The following MDGA2 variants were observed in gnomAD, a reference collection of about 807,000 sequenced individuals.
MDGA2 encodes MAM domain containing glycosylphosphatidylinositol anchor 2, also known as MAM domain-containing glycosylphosphatidylinositol anchor protein 2.
MDGA2 carries 40 observed loss-of-function variants against 117.8 expected under a neutral mutation model. The observed-to-expected ratio is 0.34, with a 90% CI of 0.26 to 0.44. MDGA2 has a LOEUF of 0.44. Among genes scored for constraint, MDGA2 ranks in the 20% least tolerant of loss-of-function variants. The pLI, the probability that MDGA2 is intolerant of heterozygous loss-of-function variation, is 1.00. For synonymous variants in MDGA2, 452 were observed against 439.0 expected, an observed-to-expected ratio of 1.03 and a Z score of -0.37; for missense variants, 1,123 against 1,250.6, an observed-to-expected ratio of 0.90 and a Z score of 1.54.
At chr14:47,394,440 A>T (rs1891963647) in intron 1 of MDGA2, among the ~76,000 whole-genome samples, 1 of 152,128 alleles carries the variant, frequency 6.6e-6, no homozygotes, top group South Asian at 2.1e-4. Flanking sequence ...ACTTAACCTC[A>T]ACTGTGATAG....
chr14:46,950,438 G>A (rs540778466), intron 9 of MDGA2, among the ~76,000 whole-genome samples: 1 of 152,092 alleles, frequency 6.6e-6, no homozygotes, highest in African/African-American at 2.4e-5. Flanking sequence ...GATATGTATG[G>A]AATCACTTCG....
intron 10 of MDGA2, among the ~76,000 whole-genome samples, chr14:46,904,995 G>A (rs1179228661): frequency 6.6e-6 from 1 of 152,190 alleles, no homozygotes; most frequent in Admixed American, 6.5e-5. Context: ...AAAGGATATG[G>A]AAGTCACATT....
chr14:47,261,175 C>T (rs570198564), intron 2 of MDGA2, among the ~76,000 whole-genome samples: 2 of 152,220 alleles, frequency 1.3e-5, no homozygotes, highest in Non-Finnish European at 2.9e-5. Context: ...TTATAACTAG[C>T]AGCACATTTT....
chr14:47,420,086 G>T (rs1235211346), intron 1 of MDGA2, among the ~76,000 whole-genome samples: 1 of 152,094 alleles, frequency 6.6e-6, no homozygotes, highest in Non-Finnish European at 1.5e-5. Context: ...GAAGGAATAT[G>T]CACAATACAT....
chr14:47,316,017 C>A (rs1047699697), intron 1 of MDGA2, among the ~76,000 whole-genome samples: 3 of 151,890 alleles, frequency 2.0e-5, no homozygotes, highest in Non-Finnish European at 4.4e-5. Flanking sequence ...CCCAATGTTG[C>A]TAATTTATTG....
chr14:47,532,762 AT>A (rs35549090), intron 1 of MDGA2, among the ~76,000 whole-genome samples: 1,973 of 152,300 alleles, frequency 0.013, 40 homozygotes, highest in African/African-American at 0.044. Flanking sequence ...ATCCAAAGTC[AT>A]TTTTTAAGGG....
intron 1 of MDGA2, among the ~76,000 whole-genome samples, chr14:47,606,071 A>G (rs1006915245): frequency 2.0e-5 from 3 of 152,198 alleles, no homozygotes; most frequent in Non-Finnish European, 2.9e-5. Flanking sequence ...TACATAACAC[A>G]TATCATTAGC....
chr14:47,395,410 A>C (rs1401305880), intron 1 of MDGA2, among the ~76,000 whole-genome samples: 1 of 152,200 alleles, frequency 6.6e-6, no homozygotes, highest in Admixed American at 6.6e-5. Context: ...GAGGCATATT[A>C]TAATATATAT....
intron 2 of MDGA2, among the ~76,000 whole-genome samples, chr14:47,241,243 C>G (rs1456149625): frequency 6.6e-6 from 1 of 151,788 alleles, no homozygotes; most frequent in Non-Finnish European, 1.5e-5. Flanking sequence ...TTAAGTAATC[C>G]TAACGAAAGC....
chr14:47,210,141 T>C (rs11844565), intron 3 of MDGA2, among the ~76,000 whole-genome samples: 32,133 of 152,122 alleles, frequency 0.21, 3,603 homozygotes, highest in African/African-American at 0.27. Context: ...GTTATACTAA[T>C]CTCCCAGTTG....
In MDGA2 at chr14:47,519,912, G is replaced by A. The variant is rs987319089; in HGVS notation, c.280+154605C>T. 1.4e-4 allele frequency among the ~76,000 whole-genome samples: 22 copies of A among 152,230 alleles called. No individual in the cohort carries two copies. In the East Asian group the frequency reaches 3.1e-3, roughly 21 times the overall value. ...GTAAATAAAGTGCACTGAGCTAGAA[G>A]GTCATTATGTTTCTTGATAATAAAC... On this transcript the variant is annotated intron_variant, in intron 1 of 16. Coordinates refer to ENST00000399232, the MANE Select transcript of MDGA2 (RefSeq NM_001113498.3).
intron 1 of MDGA2, among the ~76,000 whole-genome samples, chr14:47,586,962 CTTAACTACAAATAGCTA>C (rs1260846563): frequency 6.6e-6 from 1 of 151,900 alleles, no homozygotes; most frequent in Admixed American, 6.6e-5. Flanking sequence ...GTACCTTAGA[CTTAACTACAAATAGCTA>C]TTAATTCTTG....
rs1380897543 is a variant in MDGA2, at chr14:47,481,394, G to A, written c.281-179844C>T. Among the ~76,000 whole-genome samples, 6 of 151,976 alleles carry A rather than the reference G, an allele frequency of 3.9e-5. No homozygotes were observed. The East Asian group carries it at 9.6e-4, about 24-fold the overall frequency. ...GCAAATGATATGGTCTGCTCGTGATGGAAAATAAGTTTTATAGATGCAAGG... is the reference window on the plus strand; with the variant it reads ...GCAAATGATATGGTCTGCTCGTGATAGAAAATAAGTTTTATAGATGCAAGG... On this transcript the variant is annotated intron_variant, in intron 1 of 16. Transcript: ENST00000399232.
chr14:47,566,906 CTTTTT>C (rs55759791), intron 1 of MDGA2, among the ~76,000 whole-genome samples: 3 of 147,748 alleles, frequency 2.0e-5, no homozygotes, highest in Non-Finnish European at 3.0e-5. Flanking sequence ...ATCCATCTTC[CTTTTT>C]TTTTTTCTTT....
intron 9 of MDGA2, among the ~76,000 whole-genome samples, chr14:46,941,102 T>C (rs935560256): frequency 2.6e-5 from 4 of 152,192 alleles, no homozygotes; most frequent in East Asian, 1.9e-4. Flanking sequence ...CACAAATAAC[T>C]GCTCTTATCA....
intron 3 of MDGA2, among the ~76,000 whole-genome samples, chr14:47,180,272 A>C (rs533576045): frequency 6.6e-6 from 1 of 152,242 alleles, no homozygotes; most frequent in Non-Finnish European, 1.5e-5. Flanking sequence ...CTTTTAAGTA[A>C]AAGGAGATAG....
At chr14:46,849,742 C>T (rs900011163) in intron 15 of MDGA2, among the ~76,000 whole-genome samples, 1 of 151,832 alleles carries the variant, frequency 6.6e-6, no homozygotes, top group African/African-American at 2.4e-5. Flanking sequence ...AATTAAGACT[C>T]TCTAGTTTAA....
chr14:47,434,090 AC>A (rs1369679016), intron 1 of MDGA2, among the ~76,000 whole-genome samples: 1 of 152,048 alleles, frequency 6.6e-6, no homozygotes, highest in Non-Finnish European at 1.5e-5. Context: ...AAAAAATAAG[AC>A]TTTTGGTGAC....
chr14:47,401,056 C>T (rs1007923645), intron 1 of MDGA2, among the ~76,000 whole-genome samples: 22 of 151,720 alleles, frequency 1.5e-4, no homozygotes, highest in Middle Eastern at 3.4e-3. Context: ...CGTGCCCGGC[C>T]GGCATTTTTT....
Sources: allele counts gnomAD v4.1 joint callset (sites outside exome capture counted in the v4.1 genomes callset), GRCh38; gene constraint gnomAD v4.1.1; transcripts MANE v1.5; gene names NCBI Gene and HGNC (gene_info 2026-07-23, HGNC 2026-07-21).